Variants in LSM14B observed in about 807,000 individuals in gnomAD.
LSM14B encodes protein LSM14 homolog B.
Under a neutral mutation model 42.1 loss-of-function variants are expected in LSM14B, and 8 were observed. That is an observed-to-expected ratio of 0.19 (90% CI 0.11 to 0.34). The LOEUF (loss-of-function observed/expected upper bound fraction) is 0.34. Ranked by LOEUF, LSM14B falls within the 10% of genes least tolerant of loss-of-function variation. The probability of loss-of-function intolerance (pLI) is 1.00; values close to 1 mark genes in which losing one functional copy is unlikely to be tolerated. For missense variants in LSM14B, 396 were observed against 513.1 expected, an observed-to-expected ratio of 0.77 and a Z score of 2.21; for synonymous variants, 219 against 209.7, an observed-to-expected ratio of 1.04 and a Z score of -0.38.
At chr20:62,127,255 C>G (rs1054891560) in intron 3 of LSM14B, among the ~76,000 whole-genome samples, 1 of 152,196 alleles carries the variant, frequency 6.6e-6, no homozygotes, top group African/African-American at 2.4e-5. Context: ...TGTCCTTAAC[C>G]TGGACCTAGC....
chr20:62,126,116 A>AAC, intron 2 of LSM14B, 188 bp from the exon 3 acceptor site: 1 of 720,650 alleles, frequency 1.4e-6, no homozygotes, highest in Non-Finnish European at 2.4e-6. Context: ...GTGAAACTGG[A>AAC]ACTGAAATGC....
chr20:62,130,123 C>A lies in LSM14B; in HGVS notation c.596-96C>A. On this transcript the variant is annotated intron_variant, in intron 4 of 8. Transcript: ENST00000279068. The surrounding 1 kb of genome is among the most constrained non-coding windows in gnomAD (Gnocchi z 4.1). Reference sequence around the variant, plus strand: ...CAGCCTCCTGCGGTGCCGCCCTGGCCGCGTGCCCCATGGTGGTGGGGCCTG... The same window carrying A: ...CAGCCTCCTGCGGTGCCGCCCTGGCAGCGTGCCCCATGGTGGTGGGGCCTG... 1.3e-6 allele frequency: 2 copies of A among 1,499,160 alleles called. No homozygotes were observed. The highest frequency in any genetic ancestry group is 1.8e-6 in the Non-Finnish European group (2 of 1,104,754). The allele number at this position is 1,499,160 out of a possible 1,614,324, so 92.9% of individuals were successfully genotyped here. A position where few individuals can be genotyped will look rare whatever the true frequency, so the allele number is the denominator to read the frequency against.
At chr20:62,133,986 C>T (rs1035709865) in intron 8 of LSM14B, among the ~76,000 whole-genome samples, 177 bp from the exon 9 acceptor site, 6 of 152,228 alleles carry the variant, frequency 3.9e-5, no homozygotes, top group Non-Finnish European at 5.9e-5. Flanking sequence ...CCACTAGCTG[C>T]GTCCCTGTCC....
intron 3 of LSM14B, chr20:62,127,453 TA>T: frequency 1.5e-6 from 1 of 662,948 alleles, no homozygotes. Context: ...TCTGGGTTTC[TA>T]AAACGTGTTT....
Position 62,134,999 on chromosome 20 carries a change from C to G in LSM14B, c.*851C>G, listed in dbSNP as rs2056866231. On this transcript the variant is annotated 3_prime_UTR_variant, in exon 9 of 9. Transcript: ENST00000279068. ...ACTGGCGTTCTCATCCACTTGGAAACAAGCCAGTCTTTTCTGCAAGGTCAG... is the reference window on the plus strand; with the variant it reads ...ACTGGCGTTCTCATCCACTTGGAAAGAAGCCAGTCTTTTCTGCAAGGTCAG... The G allele has an allele frequency of 6.6e-6, 1 of 152,244 alleles. No individual in the cohort carries two copies. Among genetic ancestry groups the G allele is most frequent in the African/African-American group, 2.4e-5 (1 of 41,450 alleles). 9.4% of individuals were successfully genotyped at this position (152,244 alleles called of 1,614,324 possible).
Position 62,131,496 on chromosome 20 carries a change from C to G in LSM14B, c.976C>G (p.Leu326Val), listed in dbSNP as rs1383630004. Residue 326 changes from leucine (L) to valine (V), a missense_variant, in exon 7 of 9, where the codon CTC (leucine) becomes GTC (valine). Transcript: ENST00000279068. Reference sequence around the variant, plus strand: ...GTTCTTCGACAACATCTCTTCTGAACTCAAGACCAGGTGAGAGGCTGAATG... The same window carrying G: ...GTTCTTCGACAACATCTCTTCTGAAGTCAAGACCAGGTGAGAGGCTGAATG... Reference protein sequence around the residue: ...KSFFDNISSELKTSSRRTTWA... With the variant: ...KSFFDNISSEVKTSSRRTTWA... 1 of 1,613,346 alleles carries G rather than the reference C, an allele frequency of 6.2e-7. No homozygotes were observed.
In LSM14B at chr20:62,129,858, C is replaced by A. The variant is rs2056713301; in HGVS notation, c.501C>A (p.Asp167Glu). Residue 167 changes from aspartate to glutamate, a missense_variant, in exon 4 of 9, where the codon GAC (aspartate) becomes GAA (glutamate). Physicochemically the swap from Asp to Glu is conservative, Grantham distance 45 (BLOSUM62 2). Around this residue, in one of 3 missense-constraint regions of LSM14B, gnomAD observed 274 missense variants for 335.8 expected, o/e 0.82. Transcript: ENST00000279068. ...VEQAVQTGSA[D>E]NLNAKKLLPG... The stretch of plus-strand genomic sequence containing the variant: ...AGGCTGTGCAGACTGGTTCTGCTGA[C>A]AACCTGAATGCTAAAAAGCTGTTAC... The A allele has an allele frequency of 6.2e-7, 1 of 1,612,586 alleles. No individual in the cohort carries two copies. Among genetic ancestry groups the A allele is most frequent in the Admixed American group, 1.7e-5 (1 of 59,870 alleles).
rs2056442785 is a variant in LSM14B at position 62,122,856 on chromosome 20, G to A, written c.127+63G>A. 1.5e-6 allele frequency: 2 copies of A among 1,320,414 alleles called. No individual in the cohort carries two copies. Among genetic ancestry groups the A allele is most frequent in the South Asian group, 1.8e-5 (1 of 55,608 alleles). 81.8% of individuals were successfully genotyped at this position (1,320,414 alleles called of 1,614,324 possible). A position where few individuals can be genotyped will look rare whatever the true frequency, so the allele number is the denominator to read the frequency against. ...TCCGCCAACAGCCCCGGCCTGCGGT[G>A]CCCTCCCCGCCCCGGGGCGCCCCGG... is the stretch of plus-strand genomic sequence containing the variant. On this transcript the variant is annotated intron_variant, in intron 1 of 8. Coordinates refer to ENST00000279068, the MANE Select transcript of LSM14B (RefSeq NM_144703.3). The surrounding 1 kb of genome is among the most constrained non-coding windows in gnomAD (Gnocchi z 4.6).
chr20:62,127,946 G>A (rs117694850), intron 3 of LSM14B: 22,804 of 646,568 alleles, frequency 0.035, 532 homozygotes, highest in Middle Eastern at 0.067. Flanking sequence ...CTGTTGACCT[G>A]TACCATGACT....
At chr20:62,124,881 C>CG in intron 2 of LSM14B, 101 bp downstream of exon 2, 6 of 1,147,928 alleles carry the variant, frequency 5.2e-6, no homozygotes, top group Non-Finnish European at 6.9e-6. Context: ...TGAGGAATAA[C>CG]CTTTTTTTTT....
chr20:62,129,181 T>G, intron 3 of LSM14B: 1 of 343,566 alleles, frequency 2.9e-6, no homozygotes. Context: ...ATGATGAGCC[T>G]TTGCCCTTGA....
In LSM14B at chr20:62,130,069, A is replaced by G; in HGVS notation, c.595+117A>G. The G allele has an allele frequency of 7.0e-7, 1 of 1,419,632 alleles. No individual in the cohort carries two copies. The highest frequency in any genetic ancestry group is 9.4e-7 in the Non-Finnish European group (1 of 1,061,294). 87.9% of individuals were successfully genotyped at this position (1,419,632 alleles called of 1,614,324 possible). A position where few individuals can be genotyped will look rare whatever the true frequency, so the allele number is the denominator to read the frequency against. On this transcript the variant is annotated intron_variant, in intron 4 of 8. Transcript: ENST00000279068. This position sits in a 1 kb window ranked among gnomAD's most constrained non-coding sequence, Gnocchi z 4.1. Reference sequence around the variant, plus strand: ...ATACTACTCCCCCATCCTAAGCCCCATGTGCTTTTGCAGGGCAGGCCTGTG... The same window carrying G: ...ATACTACTCCCCCATCCTAAGCCCCGTGTGCTTTTGCAGGGCAGGCCTGTG...
intron 7 of LSM14B, among the ~76,000 whole-genome samples, chr20:62,132,332 A>T (rs1303343601): frequency 2.6e-5 from 4 of 152,180 alleles, no homozygotes; most frequent in African/African-American, 9.7e-5. Flanking sequence ...AGGGCATGGC[A>T]GTGACTTTGG....
At chr20:62,133,859 A>C (rs868140556) in intron 8 of LSM14B, among the ~76,000 whole-genome samples, 6 of 152,234 alleles carry the variant, frequency 3.9e-5, no homozygotes, top group Non-Finnish European at 8.8e-5. Flanking sequence ...ACCAGGTCCC[A>C]GTGGATTTGT....
rs895166786 is a variant in LSM14B, at chr20:62,122,953, C to T, written c.127+160C>T. Among the ~76,000 whole-genome samples, 1 of 151,354 alleles carries T rather than the reference C, an allele frequency of 6.6e-6. No individual in the cohort carries two copies. Among genetic ancestry groups the T allele is most frequent in the Non-Finnish European group, 1.5e-5 (1 of 67,768 alleles). On this transcript the variant is annotated intron_variant, in intron 1 of 8. Coordinates refer to ENST00000279068, the MANE Select transcript of LSM14B (RefSeq NM_144703.3). The surrounding 1 kb of genome is among the most constrained non-coding windows in gnomAD (Gnocchi z 4.6). ...GCCCGAGATCCCCTGCCCGCGCCTT[C>T]ACCCCGGACGCCCCCGAGGCGCCCC...
At position 62,130,194 on chromosome 20, in the gene LSM14B, C is replaced by CT; in HGVS notation, c.596-23dup. 6.3e-7 allele frequency: 1 copy of CT among 1,575,782 alleles called. No individual in the cohort carries two copies. ...CTTCCGGCTGCTATAGGAGCTTTGC[C>CT]TTACTCTTCCCTTTTGCGCCGTAGA... On this transcript the variant is annotated intron_variant, in intron 4 of 8. Transcript: ENST00000279068. The surrounding 1 kb of genome is among the most constrained non-coding windows in gnomAD (Gnocchi z 4.1).
At chr20:62,124,223 A>G (rs573432428) in intron 1 of LSM14B, among the ~76,000 whole-genome samples, 1 of 152,368 alleles carries the variant, frequency 6.6e-6, no homozygotes, top group African/African-American at 2.4e-5. Flanking sequence ...CTCAGGCGCA[A>G]TGTGCGGTGA....
chr20:62,123,746 C>T (rs1434078713), intron 1 of LSM14B, among the ~76,000 whole-genome samples: 3 of 152,250 alleles, frequency 2.0e-5, no homozygotes, highest in African/African-American at 7.2e-5. Context: ...GCTTAGGTCA[C>T]AGGGAACTTC....
Position 62,134,526 on chromosome 20 carries a change from T to C in LSM14B, c.*378T>C, listed in dbSNP as rs139883776. ...TTTGACTTTTAAAAGTGGAACCAAA[T>C]CTGTTGGCAGAGGTGGCAGCCAAGT... On this transcript the variant is annotated 3_prime_UTR_variant, in exon 9 of 9. Transcript: ENST00000279068. 8.0e-5 allele frequency: 26 copies of C among 323,130 alleles called. No homozygotes were observed. The East Asian group carries it at 1.5e-3, about 19-fold the overall frequency. 20.0% of individuals were successfully genotyped at this position (323,130 alleles called of 1,614,324 possible).
Sources: allele counts gnomAD v4.1 joint callset (sites outside exome capture counted in the v4.1 genomes callset), GRCh38; gene constraint gnomAD v4.1.1; regional missense constraint gnomAD v4.1.1; non-coding constraint Gnocchi (gnomAD v3.1); transcripts MANE v1.5; gene names NCBI Gene and HGNC (gene_info 2026-07-23, HGNC 2026-07-21).